The following ADGRB2 variants were observed in gnomAD, a reference collection of about 807,000 sequenced individuals.
ADGRB2 encodes the protein adhesion G protein-coupled receptor B2.
In ADGRB2, 47 loss-of-function variants were observed where a neutral mutation model predicts 178.7. The observed-to-expected ratio is 0.26, with a 90% CI of 0.21 to 0.34. ADGRB2 has a LOEUF of 0.34. ADGRB2 is among the 10% of genes least tolerant of loss of function. The pLI, the probability that ADGRB2 is intolerant of heterozygous loss-of-function variation, is 1.00. For missense variants in ADGRB2, 1,584 were observed against 2,180.8 expected (o/e 0.73, Z 5.45); for synonymous variants, 870 against 912.4 (o/e 0.95, Z 0.84).
At position 31,753,978 on chromosome 1, in the gene ADGRB2, C is replaced by G. The variant is rs955134409; in HGVS notation, c.838+2021G>C. 3.9e-5 allele frequency among the ~76,000 whole-genome samples: 6 copies of G among 152,184 alleles called. No homozygotes were observed. Among genetic ancestry groups the G allele is most frequent in the Non-Finnish European group, 8.8e-5 (6 of 68,002 alleles). ...ACAGGGGCCCTCCCTAAAAAGCAACCCCAAGGAAACATGCCAAGTAGGACA... is the reference window on the plus strand; with the variant it reads ...ACAGGGGCCCTCCCTAAAAAGCAACGCCAAGGAAACATGCCAAGTAGGACA... On this transcript the variant is annotated intron_variant, in intron 4 of 32. Coordinates refer to ENST00000373658, the MANE Select transcript of ADGRB2 (RefSeq NM_001364857.2). This position sits in a 1 kb window ranked among gnomAD's most constrained non-coding sequence, Gnocchi z 4.1.
At chr1:31,762,914 G>A (rs1647085032) in intron 1 of ADGRB2, among the ~76,000 whole-genome samples, 1 of 152,230 alleles carries the variant, frequency 6.6e-6, no homozygotes, top group Non-Finnish European at 1.5e-5. Flanking sequence ...CCCCCGGCGG[G>A]CAACAGACCC....
intron 6 of ADGRB2, chr1:31,743,738 C>T (rs2148974996): frequency 6.3e-6 from 1 of 157,794 alleles, no homozygotes; most frequent in South Asian, 2.0e-4. Context: ...GGGAGGCTCC[C>T]TTGAGAGGGG....
rs145689822 is a variant in ADGRB2, at chr1:31,740,895, GCA to G, written c.1795-356_1795-355del. On this transcript the variant is annotated intron_variant, in intron 11 of 32. Transcript: ENST00000373658. This position sits in a 1 kb window ranked among gnomAD's most constrained non-coding sequence, Gnocchi z 5.9. ...AATGAGCATGTGTGTGGGCGCGCGC[GCA>G]CACACACACACACACACACACACAC... is the stretch of plus-strand genomic sequence containing the variant. Among the ~76,000 whole-genome samples, 1,916 of 140,452 alleles carry G rather than the reference GCA, an allele frequency of 0.014. 49 individuals are homozygous for G. Among genetic ancestry groups the G allele is most frequent in the African/African-American group, 0.047 (1,773 of 37,534 alleles). The allele number at this position is 140,452 out of a possible 152,430, so 92.1% of individuals were successfully genotyped here.
Position 31,735,685 on chromosome 1 carries a change from G to C in ADGRB2, c.3268-20C>G. 1.3e-6 allele frequency: 2 copies of C among 1,582,614 alleles called. No homozygotes were observed. Among genetic ancestry groups the C allele is most frequent in the South Asian group, 1.2e-5 (1 of 86,484 alleles). On this transcript the variant is annotated intron_variant, in intron 23 of 32. Transcript: ENST00000373658. This position sits in a 1 kb window ranked among gnomAD's most constrained non-coding sequence, Gnocchi z 6.0. ...GTTCACCTGGGGGCCCAGTAGAGTG[G>C]AGTGGGGGAGACAGGATCACCAGGT...
Position 31,735,081 on chromosome 1 carries a change from G to T in ADGRB2, c.3452+102C>A. ...GGCAGGAAAGGGCAAGCTTTCCAGG[G>T]CACTGGGCTGATATCCCTCCTCCTC... On this transcript the variant is annotated intron_variant, in intron 25 of 32. Coordinates refer to ENST00000373658, the MANE Select transcript of ADGRB2 (RefSeq NM_001364857.2). The surrounding 1 kb of genome is among the most constrained non-coding windows in gnomAD (Gnocchi z 6.0). The T allele has an allele frequency of 5.2e-6, 6 of 1,155,130 alleles. 1 individual carries two copies. The highest frequency in any genetic ancestry group is 7.0e-6 in the Non-Finnish European group (6 of 857,240). 71.6% of individuals were successfully genotyped at this position (1,155,130 alleles called of 1,614,324 possible).
At position 31,753,793 on chromosome 1, in the gene ADGRB2, C is replaced by T. The variant is rs1350384118; in HGVS notation, c.838+2206G>A. Among the ~76,000 whole-genome samples, 1 of 152,204 alleles carries T rather than the reference C, an allele frequency of 6.6e-6. No individual in the cohort carries two copies. The highest frequency in any genetic ancestry group is 2.4e-5 in the African/African-American group (1 of 41,444). On this transcript the variant is annotated intron_variant, in intron 4 of 32. Coordinates refer to ENST00000373658, the MANE Select transcript of ADGRB2 (RefSeq NM_001364857.2). This position sits in a 1 kb window ranked among gnomAD's most constrained non-coding sequence, Gnocchi z 4.1. Reference sequence around the variant, plus strand: ...ACAGTCATGTGCCCGCTATGTCTCACACCAGAAAGGTTGGGCAGGAGGGAG... The same window carrying T: ...ACAGTCATGTGCCCGCTATGTCTCATACCAGAAAGGTTGGGCAGGAGGGAG...
At chr1:31,732,222 A>G in intron 27 of ADGRB2, 68 bp from the exon 28 acceptor site, 1 of 1,592,998 alleles carries the variant, frequency 6.3e-7, no homozygotes, top group Non-Finnish European at 8.6e-7. Context: ...GAGGAGGCTC[A>G]GGCCCTCCCC....
At chr1:31,738,057 C>T (rs1645723416) in intron 18 of ADGRB2, 143 bp downstream of exon 18, 2 of 1,290,172 alleles carry the variant, frequency 1.6e-6, no homozygotes, top group African/African-American at 1.5e-5. Flanking sequence ...CCCAGGGGCA[C>T]AGACATCCAC....
rs1646863818 is a variant in ADGRB2, at chr1:31,756,881, G to A, written c.22-66C>T. The A allele has an allele frequency of 7.1e-7, 1 of 1,401,014 alleles. No homozygotes were observed. The highest frequency in any genetic ancestry group is 9.5e-7 in the Non-Finnish European group (1 of 1,055,486). The allele number at this position is 1,401,014 out of a possible 1,614,324, so 86.8% of individuals were successfully genotyped here. A position where few individuals can be genotyped will look rare whatever the true frequency, so the allele number is the denominator to read the frequency against. ...CAGCATGGGCTCTGAACCTTCTATGGTGAGCTGCGGGAGTGGGCCTCATAA... is the reference window on the plus strand; with the variant it reads ...CAGCATGGGCTCTGAACCTTCTATGATGAGCTGCGGGAGTGGGCCTCATAA... On this transcript the variant is annotated intron_variant, in intron 3 of 32. Coordinates refer to ENST00000373658, the MANE Select transcript of ADGRB2 (RefSeq NM_001364857.2). The surrounding 1 kb of genome is among the most constrained non-coding windows in gnomAD (Gnocchi z 8.5).
chr1:31,758,228 A>G lies in ADGRB2; in HGVS notation c.-190-717T>C, dbSNP rs1646930704. ...GCTGGTCCTCATCAGAGGAGAAAAG[A>G]TGGGGCTAGGAAAAGGGAGACAACC... On this transcript the variant is annotated intron_variant, in intron 1 of 32. Transcript: ENST00000373658. This position sits in a 1 kb window ranked among gnomAD's most constrained non-coding sequence, Gnocchi z 4.2. Among the ~76,000 whole-genome samples the G allele has an allele frequency of 6.6e-6, 1 of 152,184 alleles. No individual in the cohort carries two copies. Among genetic ancestry groups the G allele is most frequent in the Non-Finnish European group, 1.5e-5 (1 of 68,024 alleles).
Position 31,755,609 on chromosome 1 carries a change from A to G in ADGRB2, c.838+390T>C, listed in dbSNP as rs1330188177. On this transcript the variant is annotated intron_variant, in intron 4 of 32. Coordinates refer to ENST00000373658, the MANE Select transcript of ADGRB2 (RefSeq NM_001364857.2). This position sits in a 1 kb window ranked among gnomAD's most constrained non-coding sequence, Gnocchi z 5.1. ...ACTTGCAGCGCCAGGGCCTGCCACG[A>G]TCATTCCCAGCCTTGGGCCTTTGTG... is the stretch of plus-strand genomic sequence containing the variant. Among the ~76,000 whole-genome samples, 1 of 151,942 alleles carries G rather than the reference A, an allele frequency of 6.6e-6. No individual in the cohort carries two copies. The highest frequency in any genetic ancestry group is 1.5e-5 in the Non-Finnish European group (1 of 67,978).
chr1:31,740,195 G>C lies in ADGRB2; in HGVS notation c.1990-17C>G, dbSNP rs1645858840. 2 of 1,613,874 alleles carry C rather than the reference G, an allele frequency of 1.2e-6. No individual in the cohort carries two copies. The highest frequency in any genetic ancestry group is 1.7e-6 in the Non-Finnish European group (2 of 1,180,008). On this transcript the variant is annotated splice_polypyrimidine_tract_variant and intron_variant, in intron 12 of 32. Transcript: ENST00000373658. The surrounding 1 kb of genome is among the most constrained non-coding windows in gnomAD (Gnocchi z 5.9). ...GAAGAAGCGCTGAGGAGAGAGCAAT[G>C]AGTGGCAGGGGGTCCTAGCCCCAGG...
In ADGRB2 at chr1:31,737,717, C is replaced by A; in HGVS notation, c.2811G>T (p.Val937=). 1 of 1,613,712 alleles carries A rather than the reference C, an allele frequency of 6.2e-7. No homozygotes were observed. Among genetic ancestry groups the A allele is most frequent in the Non-Finnish European group, 8.5e-7 (1 of 1,180,024 alleles). The part of the protein sequence containing the change: ...ELAGSPSVPL[V]IGCAVSCMAL... ...CCATGCACGACACTGCACAGCCGAT[C>A]ACCAGGGGGACCGAGGGGGAGCCCG... is the stretch of plus-strand genomic sequence containing the variant. The change falls in exon 19 of 33, where the codon GTG becomes GTT. Residue 937 remains valine (V), a synonymous_variant. Transcript: ENST00000373658.
Position 31,740,810 on chromosome 1 carries a change from G to A in ADGRB2, c.1795-269C>T, listed in dbSNP as rs1645901956. 6.6e-6 allele frequency among the ~76,000 whole-genome samples: 1 copy of A among 151,702 alleles called. No individual in the cohort carries two copies. ...TCAGATGTACATATAAAAGATATAA[G>A]CACAGTATGGGAACAGGGTACCTCC... On this transcript the variant is annotated intron_variant, in intron 11 of 32. Transcript: ENST00000373658. The surrounding 1 kb of genome is among the most constrained non-coding windows in gnomAD (Gnocchi z 5.9).
At chr1:31,732,009 G>A (rs1645312302) in intron 28 of ADGRB2, 106 bp downstream of exon 28, 1 of 1,462,018 alleles carries the variant, frequency 6.8e-7, no homozygotes, top group South Asian at 1.2e-5. Context: ...TTCGAAGCTG[G>A]ACTCCAGCAG....
In ADGRB2 at chr1:31,763,936, G is replaced by T. The variant is rs2149083595; in HGVS notation, c.-243C>A. The T allele has an allele frequency of 1.0e-6, 1 of 985,538 alleles. No individual in the cohort carries two copies. The highest frequency in any genetic ancestry group is 1.7e-5 in the African/African-American group (1 of 57,288). The allele number at this position is 985,538 out of a possible 1,614,324, so 61.0% of individuals were successfully genotyped here. A position where few individuals can be genotyped will look rare whatever the true frequency, so the allele number is the denominator to read the frequency against. ...GGCCGGCGCTGGCGGGGGCGGCCAC[G>T]GGGCGCAAGTTTGCCATCCCTAAGT... is the stretch of plus-strand genomic sequence containing the variant. On this transcript the variant is annotated 5_prime_UTR_variant, in exon 1 of 33. Coordinates refer to ENST00000373658, the MANE Select transcript of ADGRB2 (RefSeq NM_001364857.2).
rs1349937928 is a variant in ADGRB2 at position 31,728,096 on chromosome 1, ACC to A, written c.4516-17_4516-16del. The A allele has an allele frequency of 1.9e-6, 3 of 1,610,744 alleles. No individual in the cohort carries two copies. The Admixed American group carries it at 5.0e-5, about 27-fold the overall frequency. On this transcript the variant is annotated splice_polypyrimidine_tract_variant and intron_variant, in intron 31 of 32. Transcript: ENST00000373658. This position sits in a 1 kb window ranked among gnomAD's most constrained non-coding sequence, Gnocchi z 6.7. ...CGCTTCTCCCTCTGCAACGGGGGCC[ACC>A]GGTCAGGCTCCAACCCCAGGGGCCA...
rs145689822 is a variant in ADGRB2 at position 31,740,895 on chromosome 1, G to GCACA, written c.1795-358_1795-355dup. Among the ~76,000 whole-genome samples the GCACA allele has an allele frequency of 0.39, 54,858 of 140,014 alleles. 11,242 individuals are homozygous for GCACA. Among genetic ancestry groups the GCACA allele is most frequent in the East Asian group, 0.66 (3,056 of 4,620 alleles). The allele number at this position is 140,014 out of a possible 152,430, so 91.9% of individuals were successfully genotyped here. A position where few individuals can be genotyped will look rare whatever the true frequency, so the allele number is the denominator to read the frequency against. ...AATGAGCATGTGTGTGGGCGCGCGC[G>GCACA]CACACACACACACACACACACACAC... On this transcript the variant is annotated intron_variant, in intron 11 of 32. Coordinates refer to ENST00000373658, the MANE Select transcript of ADGRB2 (RefSeq NM_001364857.2). The surrounding 1 kb of genome is among the most constrained non-coding windows in gnomAD (Gnocchi z 5.9).
At position 31,756,033 on chromosome 1, in the gene ADGRB2, G is replaced by A. The variant is rs774917792; in HGVS notation, c.804C>T (p.Ser268=). 2 of 1,613,610 alleles carry A rather than the reference G, an allele frequency of 1.2e-6. No individual in the cohort carries two copies. Among genetic ancestry groups the A allele is most frequent in the Non-Finnish European group, 8.5e-7 (1 of 1,179,880 alleles). ...PPAEADLHSG[S]SNDLFTTEMR... The stretch of plus-strand genomic sequence containing the variant: ...TCTCGGTTGTGAACAGATCATTGCT[G>A]CTCCCCGAGTGCAAATCGGCCTCAG... The change falls in exon 4 of 33, where the codon AGC becomes AGT. Residue 268 remains serine (S), a synonymous_variant. Transcript: ENST00000373658. This position sits in a 1 kb window ranked among gnomAD's most constrained non-coding sequence, Gnocchi z 8.5.
Sources: allele counts gnomAD v4.1 joint callset (sites outside exome capture counted in the v4.1 genomes callset), GRCh38; gene constraint gnomAD v4.1.1; non-coding constraint Gnocchi (gnomAD v3.1); transcripts MANE v1.5; gene names NCBI Gene and HGNC (gene_info 2026-07-23, HGNC 2026-07-21).